Variants in SLC8A1 observed in about 807,000 individuals in gnomAD.
SLC8A1 encodes solute carrier family 8 member A1.
A neutral mutation model predicts 68.3 loss-of-function variants in SLC8A1; 18 were observed. The ratio of observed to expected loss-of-function variants is 0.26; its 90% CI spans 0.18 to 0.39. SLC8A1 has a LOEUF of 0.39. SLC8A1 is among the 10% of genes least tolerant of loss of function. SLC8A1 has a pLI of 1.00. For synonymous variants in SLC8A1, 475 were observed against 415.5 expected (o/e 1.14, Z -1.74); for missense variants, 985 against 1,156.7 (o/e 0.85, Z 2.15).
intron 2 of SLC8A1, among the ~76,000 whole-genome samples, chr2:40,264,140 C>G (rs1188249500): frequency 6.6e-6 from 1 of 151,846 alleles, no homozygotes; most frequent in Non-Finnish European, 1.5e-5. Flanking sequence ...CAAATCAAAA[C>G]CACAATGAGA....
chr2:40,293,836 A>AC (rs2069798900), intron 2 of SLC8A1, among the ~76,000 whole-genome samples: 2 of 150,962 alleles, frequency 1.3e-5, no homozygotes, highest in Non-Finnish European at 2.9e-5. Flanking sequence ...ATTTTATGTC[A>AC]TAAAAAACAA....
chr2:40,361,971 C>T (rs1674768797), intron 2 of SLC8A1, among the ~76,000 whole-genome samples: 1 of 126,898 alleles, frequency 7.9e-6, no homozygotes, highest in Admixed American at 9.7e-5. Context: ...CACAATCTGC[C>T]TGCAACCTCT....
intron 2 of SLC8A1, chr2:40,210,057 A>C (rs1455147830): frequency 6.6e-6 from 1 of 152,182 alleles, no homozygotes; most frequent in Non-Finnish European, 1.5e-5. Context: ...GTTCTAATCT[A>C]ATCTAATTCT....
intron 2 of SLC8A1, among the ~76,000 whole-genome samples, chr2:40,321,843 C>A (rs1575391657): frequency 6.6e-6 from 1 of 152,212 alleles, no homozygotes; most frequent in East Asian, 1.9e-4. Context: ...AGCCGTATCA[C>A]CATCCATGTA....
chr2:40,170,133 C>G, intron 4 of SLC8A1, 148 bp downstream of exon 7: 1 of 690,608 alleles, frequency 1.4e-6, no homozygotes. Flanking sequence ...TTGTTGTAAT[C>G]CACCGTACCA....
At chr2:40,445,643 A>G (rs1701299947) in intron 1 of SLC8A1, among the ~76,000 whole-genome samples, 1 of 152,170 alleles carries the variant, frequency 6.6e-6, no homozygotes, top group Admixed American at 6.5e-5. Flanking sequence ...CCATGGTATG[A>G]AGCAACAGAA....
intron 2 of SLC8A1, among the ~76,000 whole-genome samples, chr2:40,298,715 T>A (rs1346900498): frequency 2.6e-5 from 4 of 152,298 alleles, no homozygotes; most frequent in African/African-American, 9.6e-5. Flanking sequence ...GCTGTAAGGA[T>A]GACATAAGAG....
chr2:40,304,040 T>C (rs931450429), intron 2 of SLC8A1, among the ~76,000 whole-genome samples: 1 of 152,216 alleles, frequency 6.6e-6, no homozygotes, highest in Non-Finnish European at 1.5e-5. Flanking sequence ...CATCTCCTTA[T>C]GAAAGGGCTC....
chr2:40,104,956 C>G (rs922232762), exon 8 of SLC8A1: 2 of 151,878 alleles, frequency 1.3e-5, no homozygotes, highest in Admixed American at 6.6e-5. Context: ...CTTTAGAAAG[C>G]TGTTTGGTGA....
Position 40,181,474 on chromosome 2 carries a change from T to C in SLC8A1, c.1809-3619A>G, listed in dbSNP as rs148878946. Among the ~76,000 whole-genome samples the C allele has an allele frequency of 1.1e-4, 17 of 152,334 alleles. No individual in the cohort carries two copies. The East Asian group carries it at 2.9e-3, about 26-fold the overall frequency. On this transcript the variant is annotated intron_variant, in intron 2 of 7. Coordinates refer to ENST00000406785, the Ensembl canonical transcript of SLC8A1. Reference sequence around the variant, plus strand: ...AGAAAAAAGTACTTTTGTAGGTGCCTGGCAAAGACATCTAAAACAGATGGA... The same window carrying C: ...AGAAAAAAGTACTTTTGTAGGTGCCCGGCAAAGACATCTAAAACAGATGGA...
At chr2:40,418,209 T>C (rs1694443837) in intron 2 of SLC8A1, among the ~76,000 whole-genome samples, 1 of 152,168 alleles carries the variant, frequency 6.6e-6, no homozygotes, top group African/African-American at 2.4e-5. Context: ...TTAATATTCT[T>C]TACATTATTT....
At chr2:40,478,944 G>A (rs1486802264) in intron 1 of SLC8A1, among the ~76,000 whole-genome samples, 1 of 151,810 alleles carries the variant, frequency 6.6e-6, no homozygotes, top group Non-Finnish European at 1.5e-5. Context: ...GCTAATTTTT[G>A]TATTTTTAGT....
At chr2:40,405,279 G>A (rs1429814577) in intron 2 of SLC8A1, among the ~76,000 whole-genome samples, 1 of 152,194 alleles carries the variant, frequency 6.6e-6, no homozygotes, top group Non-Finnish European at 1.5e-5. Flanking sequence ...CTTAGAGTTA[G>A]AAGGAGACAT....
At chr2:40,445,449 A>AGAAAAG (rs1209326586) in intron 1 of SLC8A1, among the ~76,000 whole-genome samples, 1 of 150,336 alleles carries the variant, frequency 6.7e-6, no homozygotes, top group African/African-American at 2.5e-5. Context: ...ACACAGGGAA[A>AGAAAAG]GAAAAAGAAA....
At chr2:40,306,714 A>G (rs1042051839) in intron 2 of SLC8A1, among the ~76,000 whole-genome samples, 11 of 152,274 alleles carry the variant, frequency 7.2e-5, no homozygotes, top group Middle Eastern at 3.4e-3. Context: ...ATTAAGCCCC[A>G]ATGTCAATTA....
chr2:40,282,557 C>G (rs575528988), intron 2 of SLC8A1, among the ~76,000 whole-genome samples: 2 of 152,300 alleles, frequency 1.3e-5, no homozygotes, highest in East Asian at 3.9e-4. Context: ...AGACCTTGCT[C>G]TCAAGAGATT....
In SLC8A1 at chr2:40,384,151, G is replaced by A. The variant is rs527254562; in HGVS notation, c.1808+44322C>T. ...TGGGCCTGTAGTCCCAGCTACTCAG[G>A]AGGCTGACACATGAAGATCACATGA... On this transcript the variant is annotated intron_variant, in intron 2 of 7. Coordinates refer to ENST00000406785, the Ensembl canonical transcript of SLC8A1. Among the ~76,000 whole-genome samples the A allele has an allele frequency of 1.3e-3, 200 of 151,942 alleles. 1 individual carries two copies. Among genetic ancestry groups the A allele is most frequent in the African/African-American group, 4.3e-3 (179 of 41,430 alleles).
intron 1 of SLC8A1, among the ~76,000 whole-genome samples, chr2:40,441,063 C>A (rs1700383493): frequency 6.6e-6 from 1 of 152,124 alleles, no homozygotes; most frequent in South Asian, 2.1e-4. Flanking sequence ...CTTAAGCTGA[C>A]AAGCAACTTC....
At chr2:40,333,375 T>C (rs937320201) in intron 2 of SLC8A1, among the ~76,000 whole-genome samples, 2 of 147,454 alleles carry the variant, frequency 1.4e-5, no homozygotes, top group African/African-American at 2.5e-5. Flanking sequence ...GAGGTGGAGG[T>C]TGCAGTGGGC....
Sources: gnomAD v4.1 joint callset for allele counts (sites outside exome capture counted in the v4.1 genomes callset) on GRCh38, gnomAD v4.1.1 for gene constraint, MANE v1.5 for transcripts, NCBI Gene and HGNC (gene_info 2026-07-23, HGNC 2026-07-21) for gene names.